RHPN2: variants seen among roughly 807,000 people sequenced by gnomAD.
RHPN2 encodes the protein rhophilin Rho GTPase binding protein 2.
A neutral mutation model predicts 79.0 loss-of-function variants in RHPN2; 40 were observed. That is an observed-to-expected ratio of 0.51 (90% confidence interval 0.39 to 0.66). RHPN2 has a LOEUF of 0.66. Among genes scored for constraint, RHPN2 ranks in the 30% least tolerant of loss-of-function variants. The probability of loss-of-function intolerance (pLI) is 0.00; values close to 1 mark genes in which losing one functional copy is unlikely to be tolerated. For synonymous variants in RHPN2, 285 were observed against 363.5 expected (o/e 0.78, Z 2.46); for missense variants, 686 against 883.5 (o/e 0.78, Z 2.83).
rs777739997 is a variant in RHPN2 at position 33,012,678 on chromosome 19, T to C, written c.437A>G (p.Asp146Gly). 1.5e-5 allele frequency: 24 copies of C among 1,608,184 alleles called. No homozygotes were observed. Among genetic ancestry groups the C allele is most frequent in the Non-Finnish European group, 1.9e-5 (22 of 1,174,730 alleles). ...HYSEDGYLYE[D>G]EIADLMDLRQ... The stretch of plus-strand genomic sequence containing the variant: ...CAGATCCATAAGATCTGCAATTTCA[T>C]CTTCATATAAATAGCCATCTTCACT... Residue 146 changes from aspartate (D) to glycine (G), a missense_variant, in exon 5 of 15, where the codon GAT becomes GGT. Transcript: ENST00000254260.
chr19:33,025,981 G>GTTTTTTTTTTTTTTTTT (rs71340523), intron 3 of RHPN2, among the ~76,000 whole-genome samples: 2 of 129,106 alleles, frequency 1.5e-5, no homozygotes, highest in African/African-American at 5.9e-5. Context: ...GTGTTCATTT[G>GTTTTTTTTTTTTTTTTT]TTTTTTTTTT....
intron 11 of RHPN2, among the ~76,000 whole-genome samples, chr19:32,994,280 G>C (rs1224726710): frequency 1.3e-5 from 2 of 151,800 alleles, no homozygotes; most frequent in East Asian, 1.9e-4. Flanking sequence ...ACTGTAATCC[G>C]AGTTACTTGG....
intron 10 of RHPN2, among the ~76,000 whole-genome samples, chr19:32,998,266 G>A (rs1971718872): frequency 6.6e-6 from 1 of 152,200 alleles, no homozygotes; most frequent in Non-Finnish European, 1.5e-5. Flanking sequence ...TTCCACCAGG[G>A]CAGCAGGATT....
intron 4 of RHPN2, among the ~76,000 whole-genome samples, chr19:33,017,563 T>C (rs1004629882): frequency 6.6e-6 from 1 of 151,804 alleles, no homozygotes; most frequent in African/African-American, 2.4e-5. Flanking sequence ...ATATTTTAAA[T>C]AAAAATAGAG....
intron 1 of RHPN2, among the ~76,000 whole-genome samples, chr19:33,049,930 T>C (rs924575812): frequency 6.6e-6 from 1 of 152,116 alleles, no homozygotes; most frequent in Non-Finnish European, 1.5e-5. Context: ...CACCCCTTCA[T>C]GGGTGATGGC....
chr19:32,985,454 G>C (rs766974964), intron 14 of RHPN2, among the ~76,000 whole-genome samples: 2 of 152,140 alleles, frequency 1.3e-5, no homozygotes, highest in Non-Finnish European at 2.9e-5. Context: ...AGGGCAACAC[G>C]GTGAAGCCCC....
At chr19:33,011,554 A>T in intron 6 of RHPN2, 125 bp downstream of exon 6, 2 of 1,166,068 alleles carry the variant, frequency 1.7e-6, no homozygotes, top group Non-Finnish European at 1.3e-6. Context: ...CCCCAGATAA[A>T]TGCAAGATAG....
chr19:32,993,898 C>T (rs1971679988), intron 12 of RHPN2, 79 bp downstream of exon 12: 2 of 1,038,998 alleles, frequency 1.9e-6, no homozygotes, highest in Non-Finnish European at 3.0e-6. Flanking sequence ...TAGCAGCCCA[C>T]ATGGACTAAG....
chr19:33,015,602 A>G (rs888776797), intron 4 of RHPN2, among the ~76,000 whole-genome samples: 1 of 152,202 alleles, frequency 6.6e-6, no homozygotes, highest in African/African-American at 2.4e-5. Context: ...GCAACGTAAC[A>G]GCATGTTTAT....
intron 14 of RHPN2, among the ~76,000 whole-genome samples, chr19:32,983,055 T>TAA (rs372992598): frequency 1.5e-4 from 16 of 103,372 alleles, no homozygotes; most frequent in Non-Finnish European, 2.9e-4. Context: ...CCCAGATCTC[T>TAA]ACACACACAC....
chr19:32,989,604 G>A lies in RHPN2; in HGVS notation c.1800+910C>T, dbSNP rs555594806. On this transcript the variant is annotated intron_variant, in intron 14 of 14. Transcript: ENST00000254260. ...TTTTTATTTTTTTCACTATGAGTAT[G>A]TATTACTTTTGTAATTAAACAATTT... Among the ~76,000 whole-genome samples, 4 of 152,202 alleles carry A rather than the reference G, an allele frequency of 2.6e-5. No individual in the cohort carries two copies. The East Asian group carries it at 7.7e-4, about 29-fold the overall frequency.
At chr19:33,020,397 C>G (rs1971913613) in intron 4 of RHPN2, among the ~76,000 whole-genome samples, 2 of 150,498 alleles carry the variant, frequency 1.3e-5, no homozygotes, top group Middle Eastern at 3.4e-3. Flanking sequence ...ACAATCTCAG[C>G]TCACTGCATC....
rs758073522 is a variant in RHPN2 at position 32,988,212 on chromosome 19, CA to C, written c.1800+2301del. On this transcript the variant is annotated intron_variant, in intron 14 of 14. Coordinates refer to ENST00000254260, the MANE Select transcript of RHPN2 (RefSeq NM_033103.5). ...GACCCTGTCTCAAAAACAACAACAA[CA>C]AAAAAAAAAACAAAACAAACAAAAC... Among the ~76,000 whole-genome samples, 130 of 138,740 alleles carry C rather than the reference CA, an allele frequency of 9.4e-4. 1 individual carries two copies. The highest frequency in any genetic ancestry group is 3.6e-3 in the Admixed American group (51 of 14,202). 91.0% of individuals were successfully genotyped at this position (138,740 alleles called of 152,430 possible). A position where few individuals can be genotyped will look rare whatever the true frequency, so the allele number is the denominator to read the frequency against.
intron 4 of RHPN2, among the ~76,000 whole-genome samples, chr19:33,014,773 A>T (rs1971864690): frequency 6.6e-6 from 1 of 151,976 alleles, no homozygotes; most frequent in South Asian, 2.1e-4. Context: ...TTTAAAAAAT[A>T]AAAAAATAAA....
chr19:33,033,197 A>C (rs1243500926), intron 2 of RHPN2, among the ~76,000 whole-genome samples: 2 of 152,142 alleles, frequency 1.3e-5, no homozygotes, highest in African/African-American at 4.8e-5. Flanking sequence ...AGAACAAATG[A>C]CAGAGTGAAG....
chr19:33,057,719 G>T (rs1457541221), intron 1 of RHPN2, among the ~76,000 whole-genome samples: 1 of 150,656 alleles, frequency 6.6e-6, no homozygotes, highest in Non-Finnish European at 1.5e-5. Flanking sequence ...GACCTGAAAG[G>T]TTTCTTTTTT....
chr19:33,011,177 C>G (rs1971832675), intron 6 of RHPN2, among the ~76,000 whole-genome samples: 1 of 152,206 alleles, frequency 6.6e-6, no homozygotes, highest in Non-Finnish European at 1.5e-5. Flanking sequence ...GAGGCTGAAG[C>G]AGAAATATCA....
chr19:33,062,367 C>T (rs1413373624), intron 1 of RHPN2, among the ~76,000 whole-genome samples: 4 of 151,348 alleles, frequency 2.6e-5, no homozygotes, highest in African/African-American at 7.3e-5. Context: ...AAGGCTGAGG[C>T]GGGAGAATCA....
chr19:32,981,475 A>G (rs1971574344), intron 14 of RHPN2, among the ~76,000 whole-genome samples: 1 of 132,168 alleles, frequency 7.6e-6, no homozygotes. Context: ...AAGGAAAGGG[A>G]AGAGGAGAAG....
Sources: allele counts gnomAD v4.1 joint callset (sites outside exome capture counted in the v4.1 genomes callset), GRCh38; gene constraint gnomAD v4.1.1; transcripts MANE v1.5; gene names NCBI Gene and HGNC (gene_info 2026-07-23, HGNC 2026-07-21).